SAE1: variants seen among roughly 807,000 people sequenced by gnomAD.
SAE1 encodes the protein SUMO1 activating enzyme subunit 1.
A neutral mutation model predicts 40.6 loss-of-function variants in SAE1; 11 were observed. That is an observed-to-expected ratio of 0.27 (90% CI 0.17 to 0.45). The LOEUF (loss-of-function observed/expected upper bound fraction) is 0.45, where lower values mean the gene tolerates loss of function less well. Among genes scored for constraint, SAE1 ranks in the 20% least tolerant of loss-of-function variants. The pLI, the probability that SAE1 is intolerant of heterozygous loss-of-function variation, is 1.00. For missense variants in SAE1, 373 were observed against 427.3 expected, an observed-to-expected ratio of 0.87 and a Z score of 1.12; for synonymous variants, 155 against 154.3, an observed-to-expected ratio of 1.00 and a Z score of -0.03.
intron 5 of SAE1, among the ~76,000 whole-genome samples, chr19:47,161,992 A>AAAATC (rs1270886490): frequency 2.0e-5 from 3 of 152,168 alleles, no homozygotes; most frequent in African/African-American, 7.2e-5. Flanking sequence ...TAAATTAATT[A>AAAATC]AAATCAAATC....
At chr19:47,172,648 C>T (rs1044217600) in intron 6 of SAE1, among the ~76,000 whole-genome samples, 8 of 151,510 alleles carry the variant, frequency 5.3e-5, no homozygotes, top group Non-Finnish European at 8.8e-5. Flanking sequence ...TTGCAGAATC[C>T]GAGATCATGC....
At chr19:47,203,879 C>A in intron 8 of SAE1, 139 bp downstream of exon 8, 1 of 752,618 alleles carries the variant, frequency 1.3e-6, no homozygotes, top group Non-Finnish European at 2.2e-6. Flanking sequence ...CCCATTTCCA[C>A]CTCATCCCAT....
At chr19:47,163,404 A>C (rs1166490391) in intron 5 of SAE1, among the ~76,000 whole-genome samples, 2 of 152,214 alleles carry the variant, frequency 1.3e-5, no homozygotes, top group Admixed American at 6.6e-5. Context: ...CAATTCCATT[A>C]GGTATTATAA....
chr19:47,160,214 ATT>A (rs748289334), intron 5 of SAE1, among the ~76,000 whole-genome samples: 9 of 74,584 alleles, frequency 1.2e-4, no homozygotes, highest in African/African-American at 3.8e-4. Context: ...AAAATCCTGC[ATT>A]TTTTTTTTTT....
In SAE1 at chr19:47,210,352, C is replaced by T. The variant is rs527570079; in HGVS notation, c.*1101C>T. On this transcript the variant is annotated 3_prime_UTR_variant, in exon 9 of 9. Transcript: ENST00000270225. The stretch of plus-strand genomic sequence containing the variant: ...GTGATGCAGCAAGAGTTAAATTGTT[C>T]ACATTCTAGAATGTGTAGAAGCTTC... 6.6e-6 allele frequency: 1 copy of T among 152,226 alleles called. No homozygotes were observed. The highest frequency in any genetic ancestry group is 2.1e-4 in the South Asian group (1 of 4,828). 9.4% of individuals were successfully genotyped at this position (152,226 alleles called of 1,614,324 possible).
At chr19:47,146,079 A>G (rs1374922302) in intron 2 of SAE1, among the ~76,000 whole-genome samples, 6 of 151,934 alleles carry the variant, frequency 3.9e-5, no homozygotes, top group Non-Finnish European at 5.9e-5. Context: ...TGTTTTAGGC[A>G]GGGGACATAG....
intron 4 of SAE1, among the ~76,000 whole-genome samples, chr19:47,154,179 C>T (rs555803413): frequency 6.6e-6 from 1 of 152,200 alleles, no homozygotes; most frequent in Non-Finnish European, 1.5e-5. Flanking sequence ...CAACCTCCAC[C>T]TCCTGGATTC....
intron 6 of SAE1, among the ~76,000 whole-genome samples, chr19:47,195,768 C>G (rs765363305): frequency 4.8e-5 from 6 of 125,396 alleles, no homozygotes; most frequent in Non-Finnish European, 7.9e-5. Flanking sequence ...CAGGGTCTCA[C>G]TCTGTCACCC....
In SAE1 at chr19:47,169,898, G is replaced by T. The variant is rs145737324; in HGVS notation, c.708G>T (p.Thr236=). ...AAGCAAAGGCTGCTCTGAAGCGCAC[G>T]ACCTCCGACTACTTTCTCCTTCAAG... ...SEKAKAALKR[T]TSDYFLLQVL... is the part of the protein sequence containing the mutation. Residue 236 remains threonine, a synonymous_variant, in exon 6 of 9, where the codon ACG becomes ACT. Coordinates refer to ENST00000270225, the MANE Select transcript of SAE1 (RefSeq NM_005500.3). 1.1e-5 allele frequency: 18 copies of T among 1,613,948 alleles called. No individual in the cohort carries two copies. The African/African-American group carries it at 2.1e-4, about 19-fold the overall frequency.
At chr19:47,166,540 G>T (rs2058393384) in intron 5 of SAE1, among the ~76,000 whole-genome samples, 1 of 152,140 alleles carries the variant, frequency 6.6e-6, no homozygotes, top group Admixed American at 6.6e-5. Flanking sequence ...CTGGGACTGA[G>T]ATTCTAAAAC....
At chr19:47,143,195 T>A (rs1400644414) in intron 1 of SAE1, among the ~76,000 whole-genome samples, 3 of 151,798 alleles carry the variant, frequency 2.0e-5, no homozygotes, top group Non-Finnish European at 4.4e-5. Context: ...AACCTCCGCC[T>A]CATGGTTTCA....
intron 8 of SAE1, among the ~76,000 whole-genome samples, chr19:47,204,500 A>AC (rs35006784): frequency 0.51 from 49,860 of 97,132 alleles, 12,307 homozygotes; most frequent in South Asian, 0.61. Context: ...ACCCAGCCGC[A>AC]CCCCCCCCCT....
chr19:47,150,228 G>A lies in SAE1; in HGVS notation c.237G>A (p.Gln79=), dbSNP rs1288547704. ...TAACTCCAGAAGATCCCGGAGCTCA[G>A]TTCTTGATTCGTACTGGGTCTGTTG... ...EQVTPEDPGA[Q]FLIRTGSVGR... is the part of the protein sequence containing the mutation. The change falls in exon 3 of 9, where the codon CAG becomes CAA. Residue 79 remains glutamine, a synonymous_variant. Coordinates refer to ENST00000270225, the MANE Select transcript of SAE1 (RefSeq NM_005500.3). 2 of 1,605,544 alleles carry A rather than the reference G, an allele frequency of 1.2e-6. No homozygotes were observed. The highest frequency in any genetic ancestry group is 1.7e-6 in the Non-Finnish European group (2 of 1,177,140).
intron 6 of SAE1, among the ~76,000 whole-genome samples, chr19:47,191,709 T>A (rs1420261125): frequency 6.6e-6 from 1 of 151,732 alleles, no homozygotes; most frequent in East Asian, 1.9e-4. Flanking sequence ...AGGAGGTGAT[T>A]TTTTTTTTCA....
chr19:47,195,662 CCCCTTT>C (rs977429674), intron 6 of SAE1, among the ~76,000 whole-genome samples: 3 of 151,830 alleles, frequency 2.0e-5, no homozygotes, highest in East Asian at 1.9e-4. Flanking sequence ...TAGGTCCCTT[CCCCTTT>C]CCCTTTCCCT....
intron 1 of SAE1, among the ~76,000 whole-genome samples, chr19:47,135,350 G>A (rs2058172114): frequency 6.6e-6 from 1 of 151,740 alleles, no homozygotes; most frequent in Admixed American, 6.6e-5. Flanking sequence ...CTAGCCTCTG[G>A]TAACCCTCAG....
intron 6 of SAE1, among the ~76,000 whole-genome samples, chr19:47,194,747 C>CTTT (rs1232339267): frequency 3.5e-4 from 44 of 124,888 alleles, no homozygotes; most frequent in African/African-American, 9.1e-4. Flanking sequence ...GTTAATCAGT[C>CTTT]TTTTTTTTTT....
chr19:47,200,216 A>T (rs949328108), intron 7 of SAE1, among the ~76,000 whole-genome samples: 1 of 147,602 alleles, frequency 6.8e-6, no homozygotes, highest in Non-Finnish European at 1.5e-5. Flanking sequence ...TACAAGTGTG[A>T]GCCACCACGC....
At position 47,210,186 on chromosome 19, in the gene SAE1, T is replaced by G. The variant is rs2058706569; in HGVS notation, c.*935T>G. 6.6e-6 allele frequency: 1 copy of G among 152,190 alleles called. No individual in the cohort carries two copies. The highest frequency in any genetic ancestry group is 1.5e-5 in the Non-Finnish European group (1 of 68,034). 9.4% of individuals were successfully genotyped at this position (152,190 alleles called of 1,614,324 possible). A position where few individuals can be genotyped will look rare whatever the true frequency, so the allele number is the denominator to read the frequency against. ...AGGAATGATAATAAAGTTACTTGCTTTAGGATTTGCTTGTTTTTCTTCCAC... is the reference window on the plus strand; with the variant it reads ...AGGAATGATAATAAAGTTACTTGCTGTAGGATTTGCTTGTTTTTCTTCCAC... On this transcript the variant is annotated 3_prime_UTR_variant, in exon 9 of 9. Transcript: ENST00000270225.
Sources: gnomAD v4.1 joint callset for allele counts (sites outside exome capture counted in the v4.1 genomes callset) on GRCh38, gnomAD v4.1.1 for gene constraint, MANE v1.5 for transcripts, NCBI Gene and HGNC (gene_info 2026-07-23, HGNC 2026-07-21) for gene names.